Variants in ATP11C observed in about 807,000 individuals in gnomAD.
ATP11C encodes the protein ATPase phospholipid transporting 11C (ATP11C blood group), also known as phospholipid-transporting ATPase IG.
A neutral mutation model predicts 97.4 loss-of-function variants in ATP11C; 36 were observed. That is an observed-to-expected ratio of 0.37 (90% CI 0.28 to 0.49). The LOEUF (loss-of-function observed/expected upper bound fraction) is 0.49. ATP11C is among the 20% of genes least tolerant of loss of function. The pLI, the probability that ATP11C is intolerant of heterozygous loss-of-function variation, is 0.98. For missense variants in ATP11C, 730 were observed against 824.6 expected, an observed-to-expected ratio of 0.89 and a Z score of 1.40; for synonymous variants, 275 against 290.9, an observed-to-expected ratio of 0.95 and a Z score of 0.56.
chrX:139,736,744 G>A (rs763639874), intron 28 of ATP11C, among the ~76,000 whole-genome samples: 55 of 111,349 alleles, frequency 4.9e-4, no homozygotes, highest in Non-Finnish European at 7.4e-4. Context: ...GTAGAAAGCA[G>A]GGAGTTAAGG....
At chrX:139,743,653 C>A in intron 25 of ATP11C, 29 bp from the exon 26 acceptor site, 1 of 884,425 alleles carries the variant, frequency 1.1e-6, no homozygotes, top group East Asian at 3.3e-5. Context: ...TTACATGTAC[C>A]ATGTATATAC....
intron 8 of ATP11C, 40 bp from the exon 9 acceptor site, chrX:139,798,783 T>C (rs1243876984): frequency 3.7e-6 from 4 of 1,076,483 alleles, no homozygotes; most frequent in Non-Finnish European, 3.9e-6. Context: ...AACAAGCCAA[T>C]AGCATCAACA....
In ATP11C at chrX:139,772,327, G is replaced by A. The variant is rs1023491264; in HGVS notation, c.2216+2363C>T. ...ATGTCCAGGCAAAAGTTTGCTGCAG[G>A]GATGGGGCCCTCATGGAGAACCTCT... is the stretch of plus-strand genomic sequence containing the variant. On this transcript the variant is annotated intron_variant, in intron 19 of 29. Transcript: ENST00000682941. Among the ~76,000 whole-genome samples, 34 of 112,264 alleles carry A rather than the reference G, an allele frequency of 3.0e-4. 1 individual carries two copies. The highest frequency in any genetic ancestry group is 1.0e-3 in the African/African-American group (32 of 30,902).
intron 22 of ATP11C, among the ~76,000 whole-genome samples, chrX:139,758,961 A>G (rs1435134768): frequency 1.8e-5 from 2 of 112,462 alleles, no homozygotes; most frequent in Non-Finnish European, 3.8e-5. Context: ...GGATGTTTCT[A>G]AAGAAATGAG....
Position 139,821,386 on chromosome X carries a change from T to A in ATP11C, c.148-1959A>T, listed in dbSNP as rs147288844. On this transcript the variant is annotated intron_variant, in intron 2 of 29. Transcript: ENST00000682941. ...TCCAGTCACTTTGAAGCTGACATAG[T>A]TCAGACCAGCATTTTTAACTGTCCC... Among the ~76,000 whole-genome samples the A allele has an allele frequency of 1.0e-3, 114 of 112,248 alleles. 1 individual carries two copies. In the East Asian group the frequency reaches 0.029, roughly 29 times the overall value.
chrX:139,789,223 CAA>C, intron 13 of ATP11C, 102 bp downstream of exon 13: 1 of 639,180 alleles, frequency 1.6e-6, no homozygotes. Context: ...AACAAAAACA[CAA>C]AAGTCTATGT....
chrX:139,811,410 T>A (rs772949338), intron 5 of ATP11C, among the ~76,000 whole-genome samples: 7 of 111,694 alleles, frequency 6.3e-5, no homozygotes, highest in Admixed American at 9.5e-5. Flanking sequence ...CAAAAGTGAA[T>A]TCCTGATTTC....
chrX:139,802,447 T>C lies in ATP11C; in HGVS notation c.556-108A>G, dbSNP rs1890241. On this transcript the variant is annotated intron_variant, in intron 6 of 29. Coordinates refer to ENST00000682941, the MANE Select transcript of ATP11C (RefSeq NM_001353812.2). ...TTAGTTTATGTTTTAGTAAGAGGCT[T>C]TGGCAGAATAAACAAATATTAACAT... 0.023 allele frequency: 9,555 copies of C among 420,228 alleles called. 644 individuals are homozygous for C. Among genetic ancestry groups the C allele is most frequent in the African/African-American group, 0.21 (8,372 of 40,362 alleles). The allele number at this position is 420,228 out of a possible 1,213,427, so 34.6% of individuals were successfully genotyped here.
Position 139,761,971 on chromosome X carries a change from A to T in ATP11C, c.2630T>A (p.Phe877Tyr). 1 of 1,166,623 alleles carries T rather than the reference A, an allele frequency of 8.6e-7. No homozygotes were observed. The highest frequency in any genetic ancestry group is 1.2e-6 in the Non-Finnish European group (1 of 868,272). Residue 877 changes from phenylalanine (F) to tyrosine (Y), a missense_variant, in exon 22 of 30, where the codon TTC becomes TAC. Physicochemically the swap from Phe to Tyr is conservative, Grantham distance 22. Coordinates refer to ENST00000682941, the MANE Select transcript of ATP11C (RefSeq NM_001353812.2). ...YVRIAHLVQY[F>Y]FYKNLCFILP... The stretch of plus-strand genomic sequence containing the variant: ...TATTTTATCACATACCTTATAGAAG[A>T]AGTACTGTACAAGGTGTGCTATTCT...
At chrX:139,923,134 T>A (rs2085294460) in intron 1 of ATP11C, among the ~76,000 whole-genome samples, 1 of 111,990 alleles carries the variant, frequency 8.9e-6, no homozygotes, top group African/African-American at 3.2e-5. Flanking sequence ...GGTTGGCATG[T>A]ATGTTCTCTA....
At chrX:139,853,283 G>A (rs1384267310) in intron 1 of ATP11C, among the ~76,000 whole-genome samples, 5 of 109,052 alleles carry the variant, frequency 4.6e-5, no homozygotes, top group African/African-American at 1.7e-4. Context: ...GAGAGAGAGA[G>A]ACAGAGACAG....
At chrX:139,736,836 G>T (rs915551894) in intron 28 of ATP11C, among the ~76,000 whole-genome samples, 3 of 111,070 alleles carry the variant, frequency 2.7e-5, no homozygotes, top group Admixed American at 1.9e-4. Context: ...TCTTGTTTTT[G>T]ATTGGGGCTG....
intron 1 of ATP11C, among the ~76,000 whole-genome samples, chrX:139,877,645 G>A (rs1044405679): frequency 2.7e-5 from 3 of 112,093 alleles, no homozygotes; most frequent in African/African-American, 9.7e-5. Flanking sequence ...TTCCACAAAT[G>A]AGCTGTGCTC....
rs2030857924 is a variant in ATP11C at position 139,745,715 on chromosome X, T to C, written c.2964+7A>G. On this transcript the variant is annotated splice_region_variant and intron_variant, in intron 25 of 29. Transcript: ENST00000682941. ...TACCAAAAGATGTAATGACAGGTTC[T>C]TTTTACCTTTCCATTTTCTTCTAGG... The C allele has an allele frequency of 8.3e-7, 1 of 1,200,924 alleles. No individual in the cohort carries two copies. The highest frequency in any genetic ancestry group is 1.1e-6 in the Non-Finnish European group (1 of 891,330).
chrX:139,832,140 T>C, intron 1 of ATP11C: 1 of 1,205,393 alleles, frequency 8.3e-7, no homozygotes, highest in Non-Finnish European at 1.1e-6. Flanking sequence ...GAGAAATAAA[T>C]ATAGATTACA....
chrX:139,807,302 C>T (rs964936589), intron 5 of ATP11C, among the ~76,000 whole-genome samples: 32 of 110,893 alleles, frequency 2.9e-4, no homozygotes, highest in African/African-American at 1.1e-3. Flanking sequence ...GCACACCAGG[C>T]CCCACACAAA....
intron 15 of ATP11C, among the ~76,000 whole-genome samples, chrX:139,785,712 G>A (rs1349008248): frequency 9.0e-6 from 1 of 111,386 alleles, no homozygotes; most frequent in Non-Finnish European, 1.9e-5. Context: ...TCCCTTATGC[G>A]GGTCACCATA....
Position 139,816,851 on chromosome X carries a change from T to C in ATP11C, c.318+12A>G, listed in dbSNP as rs751017001. 1 of 1,164,505 alleles carries C rather than the reference T, an allele frequency of 8.6e-7. No homozygotes were observed. The highest frequency in any genetic ancestry group is 1.8e-5 in the South Asian group (1 of 54,215). On this transcript the variant is annotated intron_variant, in intron 4 of 29. Coordinates refer to ENST00000682941, the MANE Select transcript of ATP11C (RefSeq NM_001353812.2). ...ACTGAAATGCAGGTGCAAGTGTAAA[T>C]AAGAAATTTACCTGCTTGATGGCTG...
At chrX:139,729,610 C>T (rs1352866689) in intron 29 of ATP11C, among the ~76,000 whole-genome samples, 1 of 111,376 alleles carries the variant, frequency 9.0e-6, no homozygotes, top group Non-Finnish European at 1.9e-5. Context: ...GAAGAGAAAC[C>T]ACGGATATTT....
Sources: gnomAD v4.1 joint callset for allele counts (sites outside exome capture counted in the v4.1 genomes callset) on GRCh38, gnomAD v4.1.1 for gene constraint, MANE v1.5 for transcripts, NCBI Gene and HGNC (gene_info 2026-07-23, HGNC 2026-07-21) for gene names.